ASTN2: variants seen among roughly 807,000 people sequenced by gnomAD.
ASTN2 encodes the protein astrotactin 2.
ASTN2 carries 54 observed loss-of-function variants against 139.8 expected under a neutral mutation model. The ratio of observed to expected loss-of-function variants is 0.39; its 90% CI spans 0.31 to 0.48. The LOEUF is 0.48. Ranked by LOEUF, ASTN2 falls within the 20% of genes least tolerant of loss-of-function variation. ASTN2 has a pLI of 0.95. For missense variants in ASTN2, 1,565 were observed against 1,725.1 expected (o/e 0.91, Z 1.64); for synonymous variants, 756 against 719.5 (o/e 1.05, Z -0.81).
At position 116,664,652 on chromosome 9, in the gene ASTN2, AC is replaced by A. The variant is rs547637864; in HGVS notation, c.2807-12860del. Among the ~76,000 whole-genome samples, 662 of 151,832 alleles carry A rather than the reference AC, an allele frequency of 4.4e-3. 1 individual carries two copies. Among genetic ancestry groups the A allele is most frequent in the Admixed American group, 8.7e-3 (133 of 15,214 alleles). ...TTTAAAGCACAAAAGAAAAAAAAAA[AC>A]AATCTCTACAAATTATATACCCACT... On this transcript the variant is annotated intron_variant, in intron 16 of 22. Coordinates refer to ENST00000313400, the MANE Select transcript of ASTN2 (RefSeq NM_001365068.1).
chr9:116,752,987 G>A (rs1303333387), intron 13 of ASTN2, among the ~76,000 whole-genome samples: 1 of 152,174 alleles, frequency 6.6e-6, no homozygotes, highest in Admixed American at 6.5e-5. Context: ...GTCTTACCAC[G>A]AAATTCTGCA....
At chr9:116,681,825 T>G (rs945893663) in intron 16 of ASTN2, among the ~76,000 whole-genome samples, 21 of 151,832 alleles carry the variant, frequency 1.4e-4, no homozygotes, top group East Asian at 5.8e-4. Context: ...TAGCCATATG[T>G]AGAAAGCTGA....
At chr9:116,881,994 T>C (rs1833461372) in intron 10 of ASTN2, among the ~76,000 whole-genome samples, 1 of 152,200 alleles carries the variant, frequency 6.6e-6, no homozygotes, top group East Asian at 1.9e-4. Context: ...ATTGTAAAAT[T>C]GTTAAGCACT....
intron 19 of ASTN2, among the ~76,000 whole-genome samples, chr9:116,610,655 T>A (rs1278882957): frequency 1.6e-4 from 25 of 151,856 alleles, no homozygotes; most frequent in Admixed American, 1.6e-3. Context: ...TTAACACTAA[T>A]CAAAAGAAAG....
At chr9:117,037,920 C>T (rs1267354826) in intron 6 of ASTN2, among the ~76,000 whole-genome samples, 1 of 152,178 alleles carries the variant, frequency 6.6e-6, no homozygotes, top group Non-Finnish European at 1.5e-5. Flanking sequence ...TCCCTGCCAT[C>T]TCCCCCACCA....
chr9:116,899,665 G>A (rs888946540), intron 10 of ASTN2, among the ~76,000 whole-genome samples: 9 of 152,104 alleles, frequency 5.9e-5, no homozygotes, highest in Admixed American at 6.6e-5. Context: ...TTGAAACAAA[G>A]ATAATAACAG....
intron 20 of ASTN2, among the ~76,000 whole-genome samples, chr9:116,449,082 G>A (rs900435089): frequency 6.6e-5 from 10 of 152,090 alleles, no homozygotes; most frequent in African/African-American, 2.2e-4. Context: ...CAAGTTAATC[G>A]ACCTTCTCTG....
At chr9:116,561,317 G>A (rs555224944) in intron 19 of ASTN2, among the ~76,000 whole-genome samples, 1 of 152,254 alleles carries the variant, frequency 6.6e-6, no homozygotes, top group African/African-American at 2.4e-5. Flanking sequence ...TGCCTTGACT[G>A]AAAAGGGCCC....
intron 1 of ASTN2, among the ~76,000 whole-genome samples, chr9:117,349,823 C>A (rs1490830975): frequency 6.6e-6 from 1 of 152,052 alleles, no homozygotes; most frequent in Non-Finnish European, 1.5e-5. Flanking sequence ...AATATGATAA[C>A]AAAGGGACTT....
At chr9:117,190,217 C>T (rs1831309560) in intron 3 of ASTN2, among the ~76,000 whole-genome samples, 1 of 152,114 alleles carries the variant, frequency 6.6e-6, no homozygotes, top group South Asian at 2.1e-4. Flanking sequence ...CTTCAGTCAC[C>T]AAGTGAGGCA....
chr9:116,567,549 G>A (rs1853296693), intron 19 of ASTN2, among the ~76,000 whole-genome samples: 2 of 152,182 alleles, frequency 1.3e-5, no homozygotes, highest in Non-Finnish European at 1.5e-5. Flanking sequence ...TCTGCCAGAT[G>A]GGGAATAGTC....
intron 10 of ASTN2, among the ~76,000 whole-genome samples, chr9:116,869,574 G>A (rs1451918654): frequency 6.6e-6 from 1 of 152,092 alleles, no homozygotes; most frequent in African/African-American, 2.4e-5. Flanking sequence ...CCTTTATTTG[G>A]GAGGAGAAAA....
In ASTN2 at chr9:116,843,850, G is replaced by A. The variant is rs531712224; in HGVS notation, c.2040+19733C>T. Among the ~76,000 whole-genome samples the A allele has an allele frequency of 3.3e-5, 5 of 152,218 alleles. No homozygotes were observed. The South Asian group carries it at 1.0e-3, about 32-fold the overall frequency. On this transcript the variant is annotated intron_variant, in intron 11 of 22. Transcript: ENST00000313400. ...CCTGAGTGATGGGATCAATTGTACT[G>A]CAAACCTCAGAATCACACAATATAT... is the stretch of plus-strand genomic sequence containing the variant.
chr9:116,502,794 AAAGG>A (rs1400160417), intron 19 of ASTN2, among the ~76,000 whole-genome samples: 2 of 147,526 alleles, frequency 1.4e-5, no homozygotes, highest in Non-Finnish European at 3.0e-5. Flanking sequence ...AGGAAAGAAA[AAAGG>A]AAGGAGGTAG....
intron 10 of ASTN2, among the ~76,000 whole-genome samples, chr9:116,925,213 G>A (rs1241271422): frequency 6.6e-6 from 1 of 152,168 alleles, no homozygotes; most frequent in East Asian, 1.9e-4. Flanking sequence ...CCCCTGCTTA[G>A]TCATCAGCAC....
intron 1 of ASTN2, among the ~76,000 whole-genome samples, chr9:117,357,059 A>G (rs997063989): frequency 1.3e-5 from 2 of 152,174 alleles, no homozygotes; most frequent in African/African-American, 4.8e-5. Context: ...GCAATACTCC[A>G]TCTCAAAATA....
At chr9:116,690,302 T>C (rs1415650506) in intron 16 of ASTN2, among the ~76,000 whole-genome samples, 1 of 152,212 alleles carries the variant, frequency 6.6e-6, no homozygotes, top group African/African-American at 2.4e-5. Context: ...ATTCCTTGTT[T>C]ACAGATAAGA....
chr9:116,926,665 T>C (rs549213576), intron 10 of ASTN2, among the ~76,000 whole-genome samples: 1 of 152,346 alleles, frequency 6.6e-6, no homozygotes, highest in African/African-American at 2.4e-5. Context: ...CCTTATATAC[T>C]TTGCTTCATT....
intron 10 of ASTN2, among the ~76,000 whole-genome samples, chr9:116,945,215 C>T (rs1835357628): frequency 1.3e-5 from 2 of 152,226 alleles, no homozygotes. Context: ...TCCTGTCCCA[C>T]TGGCCAGGAC....
Sources: allele counts gnomAD v4.1 joint callset (sites outside exome capture counted in the v4.1 genomes callset), GRCh38; gene constraint gnomAD v4.1.1; transcripts MANE v1.5; gene names NCBI Gene and HGNC (gene_info 2026-07-23, HGNC 2026-07-21).